ZNF695: variants seen among roughly 807,000 people sequenced by gnomAD.
The protein encoded by ZNF695 is zinc finger protein SBZF3.
A neutral mutation model predicts 11.2 loss-of-function variants in ZNF695; 11 were observed. That is an observed-to-expected ratio of 0.98 (90% CI 0.62 to 1.62). The LOEUF is 1.62. Ranked by LOEUF, ZNF695 falls within the 40% of genes most tolerant of loss-of-function variation. The probability of loss-of-function intolerance (pLI) is 0.00; values close to 1 mark genes in which losing one functional copy is unlikely to be tolerated. For synonymous variants in ZNF695, 190 were observed against 201.4 expected (o/e 0.94, Z 0.48); for missense variants, 559 against 590.5 (o/e 0.95, Z 0.55).
intron 4 of ZNF695, among the ~76,000 whole-genome samples, chr1:246,977,299 C>T (rs1668592603): frequency 6.6e-6 from 1 of 152,326 alleles, no homozygotes; most frequent in Non-Finnish European, 1.5e-5. Flanking sequence ...GTCTGTCGCC[C>T]AGGCTGGAGT....
chr1:246,983,014 G>A (rs1002212482), downstream of ZNF695, among the ~76,000 whole-genome samples: 5 of 151,900 alleles, frequency 3.3e-5, no homozygotes, highest in African/African-American at 1.2e-4. Flanking sequence ...CCATCCTGGG[G>A]AACACGGTGA....
rs980074558 is a variant in ZNF695 at position 246,967,180 on chromosome 1, C to T, written c.488+515G>A. Among the ~76,000 whole-genome samples the T allele has an allele frequency of 9.2e-5, 14 of 152,270 alleles. 1 individual carries two copies. The highest frequency in any genetic ancestry group is 6.2e-4 in the South Asian group (3 of 4,816). ...CTCGAACTCCCGACCTCAGGTGATC[C>T]GCCTGCCTCGGCCTCCCAAAGTGCT... On this transcript the variant is annotated intron_variant, in intron 5 of 5. Transcript: ENST00000487338.
At position 246,999,379 on chromosome 1, in the gene ZNF695, G is replaced by C. The variant is rs747883899; in HGVS notation, c.228C>G (p.Asn76Lys). Residue 76 changes from asparagine (N) to lysine (K), a missense_variant, in exon 3 of 4, where the codon AAC becomes AAG. By Grantham distance (94) the Asn-to-Lys change is moderately conservative (BLOSUM62 0). Transcript: ENST00000339986. ...ICLEARKEPWNVNTEKTARHS... is the reference protein window; with the variant it reads ...ICLEARKEPWKVNTEKTARHS... ...GTCTGGCTGTCTTCTCTGTGTTCAC[G>C]TTCCAGGGCTCTTTCCTTGCCTCCA... 1 of 1,613,966 alleles carries C rather than the reference G, an allele frequency of 6.2e-7. No individual in the cohort carries two copies. Among genetic ancestry groups the C allele is most frequent in the South Asian group, 1.1e-5 (1 of 91,084 alleles).
downstream of ZNF695, among the ~76,000 whole-genome samples, chr1:246,980,871 T>C (rs1450910950): frequency 1.3e-5 from 2 of 152,178 alleles, no homozygotes; most frequent in Non-Finnish European, 2.9e-5. Context: ...TTTTTAGATT[T>C]AATGTAAAAA....
rs544149132 is a variant in ZNF695 at position 247,007,298 on chromosome 1, G to A, written c.3+608C>T. On this transcript the variant is annotated intron_variant, in intron 1 of 3. Transcript: ENST00000339986. ...AGGCGGGCGGATCACGAGGTCAAGA[G>A]ATCGACACCAACATGGTGAAATCTC... 1.4e-4 allele frequency among the ~76,000 whole-genome samples: 21 copies of A among 152,136 alleles called. No homozygotes were observed. In the South Asian group the frequency reaches 4.4e-3, roughly 32 times the overall value.
chr1:246,959,147 C>T (rs1387061969), intron 5 of ZNF695, among the ~76,000 whole-genome samples: 3 of 149,844 alleles, frequency 2.0e-5, no homozygotes, highest in Non-Finnish European at 4.4e-5. Context: ...ATTAGCCGGG[C>T]ATGTACCTGT....
chr1:246,967,310 G>T (rs776350104), intron 5 of ZNF695: 71 of 455,112 alleles, frequency 1.6e-4, no homozygotes, highest in Non-Finnish European at 2.9e-4. Flanking sequence ...GAAGACAAGG[G>T]TAGAGGCAAG....
chr1:246,947,196 TG>T lies in ZNF695; in HGVS notation c.489-1370del, dbSNP rs370864357. Among the ~76,000 whole-genome samples, 320 of 125,014 alleles carry T rather than the reference TG, an allele frequency of 2.6e-3. 1 individual carries two copies. Among genetic ancestry groups the T allele is most frequent in the Admixed American group, 4.8e-3 (53 of 11,060 alleles). The allele number at this position is 125,014 out of a possible 152,430, so 82.0% of individuals were successfully genotyped here. On this transcript the variant is annotated intron_variant, in intron 5 of 5. Coordinates refer to the ZNF695 transcript ENST00000487338. ...GGGTGATAGGGTTTTTTATTTTTTT[TG>T]GGGGGGTGGTTTTTTTTTTAGAGAC...
intron 5 of ZNF695, among the ~76,000 whole-genome samples, chr1:246,957,269 G>C (rs912028511): frequency 1.3e-5 from 2 of 152,058 alleles, no homozygotes; most frequent in East Asian, 3.9e-4. Context: ...TGTAGTCCCA[G>C]CTACTCGGGA....
chr1:246,971,349 C>A (rs1235861780), intron 4 of ZNF695, among the ~76,000 whole-genome samples: 1 of 152,222 alleles, frequency 6.6e-6, no homozygotes, highest in African/African-American at 2.4e-5. Flanking sequence ...AGGAGTGTGA[C>A]CGCTGAAGCA....
intron 4 of ZNF695, among the ~76,000 whole-genome samples, chr1:246,978,081 A>G (rs1209867903): frequency 6.6e-6 from 1 of 152,206 alleles, no homozygotes; most frequent in Non-Finnish European, 1.5e-5. Context: ...TCGGCCACCA[A>G]TGTAAGCAGA....
chr1:246,997,816 C>T (rs1344707082), intron 3 of ZNF695, among the ~76,000 whole-genome samples: 1 of 152,158 alleles, frequency 6.6e-6, no homozygotes, highest in East Asian at 1.9e-4. Context: ...ACAAATACTT[C>T]CTGTTCTTCT....
intron 5 of ZNF695, among the ~76,000 whole-genome samples, chr1:246,955,805 A>G (rs1167676698): frequency 6.6e-6 from 1 of 152,156 alleles, no homozygotes; most frequent in African/African-American, 2.4e-5. Context: ...TGTCCAGCAC[A>G]CAGAAGGTGC....
downstream of ZNF695, among the ~76,000 whole-genome samples, chr1:246,983,019 C>T (rs55812001): frequency 0.019 from 2,858 of 151,836 alleles, 36 homozygotes; most frequent in Non-Finnish European, 0.027. Context: ...CTGGGGAACA[C>T]GGTGAAACCC....
chr1:246,974,480 T>C (rs1668508641), intron 4 of ZNF695, among the ~76,000 whole-genome samples: 1 of 152,228 alleles, frequency 6.6e-6, no homozygotes, highest in Non-Finnish European at 1.5e-5. Context: ...TAGAGATTTG[T>C]GGACTACCAT....
intron 4 of ZNF695, among the ~76,000 whole-genome samples, chr1:246,976,104 G>A (rs1404541715): frequency 6.6e-6 from 1 of 152,128 alleles, no homozygotes; most frequent in South Asian, 2.1e-4. Flanking sequence ...GACGCTGAGG[G>A]AGAGGCAGGG....
intron 5 of ZNF695, among the ~76,000 whole-genome samples, chr1:246,959,815 T>G (rs1668119193): frequency 6.6e-6 from 1 of 152,182 alleles, no homozygotes; most frequent in Non-Finnish European, 1.5e-5. Flanking sequence ...TGCAGGAAAT[T>G]AACAGCTAGA....
intron 3 of ZNF695, among the ~76,000 whole-genome samples, chr1:246,990,775 T>A (rs4971320): frequency 0.85 from 129,653 of 152,242 alleles, 55,538 homozygotes; most frequent in East Asian, 0.99. Context: ...TTCTGTGACC[T>A]CAATGGAATA....
At position 247,008,047 on chromosome 1, in the gene ZNF695, A is replaced by G. The variant is rs999752960; in HGVS notation, c.-139T>C. The G allele has an allele frequency of 5.8e-5, 53 of 915,578 alleles. No homozygotes were observed. The highest frequency in any genetic ancestry group is 7.7e-5 in the Non-Finnish European group (52 of 671,504). The allele number at this position is 915,578 out of a possible 1,614,324, so 56.7% of individuals were successfully genotyped here. A position where few individuals can be genotyped will look rare whatever the true frequency, so the allele number is the denominator to read the frequency against. ...GGAACCCAGCACCCCGCCGGCCGCA[A>G]GGAGACAAAGGCCCCGCCAGATCCC... On this transcript the variant is annotated 5_prime_UTR_variant, in exon 1 of 4. Transcript: ENST00000339986.
Sources: allele counts gnomAD v4.1 joint callset (sites outside exome capture counted in the v4.1 genomes callset), GRCh38; gene constraint gnomAD v4.1.1; transcripts MANE v1.5; gene names NCBI Gene and HGNC (gene_info 2026-07-23, HGNC 2026-07-21).